The following NELL1 variants were observed in gnomAD, a reference collection of about 807,000 sequenced individuals.
NELL1 encodes protein kinase C-binding protein NELL1.
A neutral mutation model predicts 107.4 loss-of-function variants in NELL1; 76 were observed. The observed-to-expected ratio is 0.71, with a 90% CI of 0.59 to 0.86. The LOEUF (loss-of-function observed/expected upper bound fraction) is 0.86, where lower values mean the gene tolerates loss of function less well. Among genes scored for constraint, NELL1 ranks in the 40% least tolerant of loss-of-function variants. The pLI is 0.00. For synonymous variants in NELL1, 353 were observed against 341.2 expected (o/e 1.03, Z -0.38); for missense variants, 1,024 against 1,005.5 (o/e 1.02, Z -0.25).
chr11:21,433,695 G>A (rs945651817), intron 15 of NELL1, among the ~76,000 whole-genome samples: 3 of 152,048 alleles, frequency 2.0e-5, no homozygotes, highest in African/African-American at 7.2e-5. Flanking sequence ...TTGTTTTTGA[G>A]ACAGAGTTAC....
chr11:21,121,782 G>A (rs1017001671), intron 13 of NELL1, among the ~76,000 whole-genome samples: 7 of 152,076 alleles, frequency 4.6e-5, no homozygotes, highest in Admixed American at 1.3e-4. Flanking sequence ...ATAAAAGAAC[G>A]AAACAGAAAA....
At chr11:21,512,513 A>G (rs4550216) in intron 15 of NELL1, among the ~76,000 whole-genome samples, 75,349 of 151,920 alleles carry the variant, frequency 0.5, 18,951 homozygotes, top group East Asian at 0.62. Context: ...GTAATTATAT[A>G]TGTGCTTGTC....
chr11:21,062,591 A>T (rs747741606), intron 12 of NELL1, among the ~76,000 whole-genome samples: 4 of 152,140 alleles, frequency 2.6e-5, no homozygotes, highest in Non-Finnish European at 5.9e-5. Context: ...TCCAACATCA[A>T]TTGGTATACT....
At chr11:20,746,770 G>A (rs899367358) in intron 2 of NELL1, among the ~76,000 whole-genome samples, 42 of 152,086 alleles carry the variant, frequency 2.8e-4, no homozygotes, top group African/African-American at 9.7e-4. Flanking sequence ...TTATTTCTCT[G>A]TAGTGGTTTT....
At position 20,937,829 on chromosome 11, in the gene NELL1, G is replaced by A. The variant is rs528105353; in HGVS notation, c.1041G>A (p.Arg347=). 6.2e-7 allele frequency: 1 copy of A among 1,614,082 alleles called. No homozygotes were observed. Among genetic ancestry groups the A allele is most frequent in the East Asian group, 2.2e-5 (1 of 44,882 alleles). Reference sequence around the variant, plus strand: ...GAAAAGTTCTTGCAGAAGGCCAGCGGATTTTAACCAAGAGCTGTCGGGAAT... The same window carrying A: ...GAAAAGTTCTTGCAGAAGGCCAGCGAATTTTAACCAAGAGCTGTCGGGAAT... ...YGGKVLAEGQ[R]ILTKSCRECR... Residue 347 remains arginine (R), a synonymous_variant, in exon 10 of 20, where the codon CGG becomes CGA. Coordinates refer to ENST00000357134, the MANE Select transcript of NELL1 (RefSeq NM_006157.5).
chr11:21,487,128 C>T (rs1000839131), intron 15 of NELL1, among the ~76,000 whole-genome samples: 1 of 152,148 alleles, frequency 6.6e-6, no homozygotes, highest in Non-Finnish European at 1.5e-5. Flanking sequence ...GATCACCAAA[C>T]TGACAAAACT....
chr11:20,815,331 C>T (rs565910315), intron 3 of NELL1, among the ~76,000 whole-genome samples: 103 of 152,264 alleles, frequency 6.8e-4, no homozygotes, highest in African/African-American at 2.4e-3. Flanking sequence ...GGTGATCCAC[C>T]CGCCTCAGCC....
chr11:21,555,211 T>A (rs568026489), intron 16 of NELL1, among the ~76,000 whole-genome samples: 1 of 151,936 alleles, frequency 6.6e-6, no homozygotes, highest in East Asian at 2.0e-4. Context: ...AGTGACTAGA[T>A]AATGAAGAGA....
At chr11:21,375,690 T>C (rs1418265327) in intron 15 of NELL1, among the ~76,000 whole-genome samples, 1 of 152,146 alleles carries the variant, frequency 6.6e-6, no homozygotes, top group East Asian at 1.9e-4. Context: ...TGTTCCCTTT[T>C]CTCTGCAGCC....
At chr11:21,552,236 A>G (rs1856609153) in intron 16 of NELL1, among the ~76,000 whole-genome samples, 1 of 151,644 alleles carries the variant, frequency 6.6e-6, no homozygotes, top group African/African-American at 2.4e-5. Context: ...ATGTATACAT[A>G]TGTAACTAAC....
intron 2 of NELL1, among the ~76,000 whole-genome samples, chr11:20,775,625 T>C (rs901864060): frequency 1.4e-4 from 22 of 152,142 alleles, no homozygotes; most frequent in African/African-American, 5.3e-4. Flanking sequence ...GGGACTTGAT[T>C]GCTGGTGGGT....
At chr11:20,709,954 G>C (rs1339170464) in intron 2 of NELL1, among the ~76,000 whole-genome samples, 1 of 152,114 alleles carries the variant, frequency 6.6e-6, no homozygotes, top group Non-Finnish European at 1.5e-5. Context: ...TTTTGGATGA[G>C]TATTTAGGGT....
intron 13 of NELL1, among the ~76,000 whole-genome samples, chr11:21,180,106 G>A (rs982189985): frequency 1.3e-5 from 2 of 151,474 alleles, no homozygotes; most frequent in African/African-American, 4.9e-5. Flanking sequence ...TGCCCCCCAT[G>A]CCATAGTTTG....
intron 12 of NELL1, among the ~76,000 whole-genome samples, chr11:21,020,439 A>G (rs1412890190): frequency 6.6e-6 from 1 of 152,132 alleles, no homozygotes; most frequent in African/African-American, 2.4e-5. Context: ...ATGCTCTACT[A>G]TGGTGGCACC....
intron 15 of NELL1, among the ~76,000 whole-genome samples, chr11:21,403,340 T>A (rs1301514147): frequency 1.3e-5 from 2 of 151,702 alleles, no homozygotes; most frequent in African/African-American, 4.8e-5. Flanking sequence ...GACTCTTAAA[T>A]CTGAAGGCTT....
intron 14 of NELL1, among the ~76,000 whole-genome samples, chr11:21,287,649 G>T (rs1264540467): frequency 6.6e-6 from 1 of 152,024 alleles, no homozygotes; most frequent in East Asian, 1.9e-4. Context: ...TACAGTCTTG[G>T]TTCCTTTCTT....
At chr11:20,795,550 C>T (rs1260669579) in intron 3 of NELL1, among the ~76,000 whole-genome samples, 1 of 152,128 alleles carries the variant, frequency 6.6e-6, no homozygotes, top group Non-Finnish European at 1.5e-5. Flanking sequence ...AAATGGAAAG[C>T]TTAATTAATG....
At chr11:21,125,738 G>A (rs1855472682) in intron 13 of NELL1, among the ~76,000 whole-genome samples, 1 of 152,138 alleles carries the variant, frequency 6.6e-6, no homozygotes. Flanking sequence ...ATGTTAGGTG[G>A]GAGTGCATTG....
chr11:21,158,834 T>A (rs983870792), intron 13 of NELL1, among the ~76,000 whole-genome samples: 1 of 152,052 alleles, frequency 6.6e-6, no homozygotes. Context: ...CTTTCTGTTA[T>A]TTTTTTTCTC....
Sources: gnomAD v4.1 joint callset for allele counts (sites outside exome capture counted in the v4.1 genomes callset) on GRCh38, gnomAD v4.1.1 for gene constraint, MANE v1.5 for transcripts, NCBI Gene and HGNC (gene_info 2026-07-23, HGNC 2026-07-21) for gene names.